The following SAMD12 variants were observed in gnomAD, a reference collection of about 807,000 sequenced individuals.
SAMD12 encodes the protein sterile alpha motif domain containing 12.
A neutral mutation model predicts 15.0 loss-of-function variants in SAMD12; 9 were observed. The observed-to-expected ratio is 0.60, with a 90% CI of 0.36 to 1.05. The LOEUF (loss-of-function observed/expected upper bound fraction) is 1.05, where lower values mean the gene tolerates loss of function less well. SAMD12 is among the 50% of genes least tolerant of loss of function. SAMD12 has a pLI of 0.01. For missense variants in SAMD12, 230 were observed against 234.2 expected (o/e 0.98, Z 0.12); for synonymous variants, 86 against 90.1 (o/e 0.96, Z 0.25).
chr8:118,383,768 C>T (rs7006721), intron 3 of SAMD12, among the ~76,000 whole-genome samples: 104,082 of 152,036 alleles, frequency 0.68, 36,453 homozygotes, highest in African/African-American at 0.78. Flanking sequence ...GTTTTTCACA[C>T]TGCTCTTACT....
chr8:118,434,396 C>T (rs1038236991), intron 3 of SAMD12, among the ~76,000 whole-genome samples: 2 of 152,264 alleles, frequency 1.3e-5, no homozygotes, highest in South Asian at 4.2e-4. Context: ...ACCAAGGAAA[C>T]CCTTTATACA....
intron 4 of SAMD12, among the ~76,000 whole-genome samples, chr8:118,240,303 T>C (rs1812535843): frequency 6.6e-6 from 1 of 152,200 alleles, no homozygotes. Flanking sequence ...AAGCCACTCC[T>C]AGATTTGTGA....
At chr8:118,485,171 T>C (rs1251520866) in intron 2 of SAMD12, among the ~76,000 whole-genome samples, 1 of 152,066 alleles carries the variant, frequency 6.6e-6, no homozygotes, top group Non-Finnish European at 1.5e-5. Context: ...TCACTAATAT[T>C]CTGTTAGTAA....
chr8:118,515,321 C>T (rs1825212225), intron 2 of SAMD12, among the ~76,000 whole-genome samples: 2 of 151,512 alleles, frequency 1.3e-5, no homozygotes, highest in Non-Finnish European at 2.9e-5. Context: ...GCACCTCCTC[C>T]TTCTCTTTCT....
intron 4 of SAMD12, among the ~76,000 whole-genome samples, chr8:118,372,766 A>C (rs1819171924): frequency 6.6e-6 from 1 of 152,088 alleles, no homozygotes; most frequent in African/African-American, 2.4e-5. Flanking sequence ...TGCAGTTTTT[A>C]ACCATTAAAA....
intron 4 of SAMD12, among the ~76,000 whole-genome samples, chr8:118,325,932 C>A (rs1816542682): frequency 6.6e-6 from 1 of 152,142 alleles, no homozygotes; most frequent in South Asian, 2.1e-4. Flanking sequence ...TTACAACAGC[C>A]CAGCAGGGCG....
intron 4 of SAMD12, among the ~76,000 whole-genome samples, chr8:118,277,903 T>C (rs919520252): frequency 2.0e-5 from 3 of 152,144 alleles, no homozygotes; most frequent in Non-Finnish European, 4.4e-5. Flanking sequence ...GGAAAAACAA[T>C]CCTGGTTACT....
chr8:118,358,822 T>C (rs1314811632), intron 4 of SAMD12, among the ~76,000 whole-genome samples: 1 of 152,198 alleles, frequency 6.6e-6, no homozygotes, highest in African/African-American at 2.4e-5. Context: ...GAGTAGTATA[T>C]GGATACTCCA....
intron 2 of SAMD12, among the ~76,000 whole-genome samples, chr8:118,562,549 C>T (rs548803715): frequency 2.0e-5 from 3 of 152,182 alleles, no homozygotes; most frequent in African/African-American, 4.8e-5. Context: ...GGAATTGATC[C>T]ACAATGTAAA....
intron 4 of SAMD12, among the ~76,000 whole-genome samples, chr8:118,227,603 TTGCTTAGACAAG>T (rs1300929418): frequency 1.3e-5 from 2 of 152,178 alleles, no homozygotes; most frequent in East Asian, 3.9e-4. Flanking sequence ...ACTTTCCTCA[TTGCTTAGACAAG>T]AATATTGTTA....
chr8:118,260,243 T>C (rs1813046599), intron 4 of SAMD12, among the ~76,000 whole-genome samples: 2 of 152,126 alleles, frequency 1.3e-5, no homozygotes, highest in African/African-American at 2.4e-5. Context: ...TATATATTTA[T>C]GTGATTTATG....
chr8:118,590,433 C>T (rs1166527011), intron 1 of SAMD12, among the ~76,000 whole-genome samples: 1 of 152,194 alleles, frequency 6.6e-6, no homozygotes, highest in Non-Finnish European at 1.5e-5. Flanking sequence ...GATGATATGG[C>T]AAGGCTGGAT....
the SAMD12 span, among the ~76,000 whole-genome samples, chr8:118,158,170 G>A: frequency 6.6e-6 from 1 of 152,174 alleles, no homozygotes; most frequent in Non-Finnish European, 1.5e-5. Flanking sequence ...GGTACATCTT[G>A]CATATTCACC....
chr8:118,552,260 T>A (rs1408199685), intron 2 of SAMD12, among the ~76,000 whole-genome samples: 1 of 152,152 alleles, frequency 6.6e-6, no homozygotes, highest in Non-Finnish European at 1.5e-5. Flanking sequence ...TTGATGAACA[T>A]TGATGCAAAA....
downstream of SAMD12, among the ~76,000 whole-genome samples, chr8:118,187,234 C>G (rs1449988126): frequency 1.3e-5 from 2 of 152,140 alleles, no homozygotes; most frequent in African/African-American, 4.8e-5. Context: ...AATGTGATTG[C>G]AGTTGTCTTT....
At chr8:118,426,829 C>T (rs1027068071) in intron 3 of SAMD12, among the ~76,000 whole-genome samples, 6 of 152,066 alleles carry the variant, frequency 3.9e-5, no homozygotes, top group African/African-American at 1.4e-4. Flanking sequence ...TGTTAAAATT[C>T]CTTTGGTTTA....
chr8:118,355,324 G>A (rs1021135527), intron 4 of SAMD12, among the ~76,000 whole-genome samples: 4 of 152,162 alleles, frequency 2.6e-5, no homozygotes, highest in African/African-American at 9.7e-5. Context: ...CTCATAAGTG[G>A]GAGCTAAGCT....
rs555733556 is a variant in SAMD12, at chr8:118,474,494, C to T, written c.193-34533G>A. Among the ~76,000 whole-genome samples the T allele has an allele frequency of 9.9e-5, 15 of 151,806 alleles. 1 individual carries two copies. Among genetic ancestry groups the T allele is most frequent in the South Asian group, 6.2e-4 (3 of 4,812 alleles). ...CTCCTAGGTTCAAAGGATTCTCCTA[C>T]CTCAGCCTCCCGAGTAGCTGGGATT... On this transcript the variant is annotated intron_variant, in intron 2 of 3. Coordinates refer to ENST00000314727, the MANE Select transcript of SAMD12 (RefSeq NM_207506.3).
intron 2 of SAMD12, among the ~76,000 whole-genome samples, chr8:118,442,400 C>T (rs1822789664): frequency 6.6e-6 from 1 of 152,242 alleles, no homozygotes; most frequent in African/African-American, 2.4e-5. Context: ...GGCTCCTAAT[C>T]AAACATGCCT....
Sources: allele counts gnomAD v4.1 joint callset (sites outside exome capture counted in the v4.1 genomes callset), GRCh38; gene constraint gnomAD v4.1.1; transcripts MANE v1.5; gene names NCBI Gene and HGNC (gene_info 2026-07-23, HGNC 2026-07-21).